Variants in TMT1A observed in about 807,000 individuals in gnomAD.
TMT1A encodes thiol S-methyltransferase TMT1A.
At chr12:50,930,232 GA>G in the TMT1A span, 1 of 1,120,052 alleles carries the variant, frequency 8.9e-7, no homozygotes, top group South Asian at 1.9e-5. Context: ...TGGGAGAAGA[GA>G]AACCTTTTTT....
At chr12:50,926,713 A>T in the TMT1A span, among the ~76,000 whole-genome samples, 2 of 152,234 alleles carry the variant, frequency 1.3e-5, no homozygotes, top group East Asian at 3.8e-4. Flanking sequence ...GGCCCACCAC[A>T]TGCCCATTGT....
chr12:50,928,582 G>C, the TMT1A span, among the ~76,000 whole-genome samples: 15 of 152,104 alleles, frequency 9.9e-5, no homozygotes, highest in Non-Finnish European at 2.1e-4. Context: ...TCCCTTATCT[G>C]CACAAAACAT....
At chr12:50,931,860 T>C in the TMT1A span, 1 of 152,262 alleles carries the variant, frequency 6.6e-6, no homozygotes, top group East Asian at 1.9e-4. Context: ...ACAGTGCACC[T>C]GGCCGAAATA....
chr12:50,925,080 CCTGA>C, the TMT1A span: 1 of 1,614,174 alleles, frequency 6.2e-7, no homozygotes, highest in Non-Finnish European at 8.5e-7. Context: ...CCATTTACAT[CCTGA>C]CATTTCCCTT....
chr12:50,931,953 T>C, the TMT1A span: 12 of 152,200 alleles, frequency 7.9e-5, no homozygotes, highest in African/African-American at 2.9e-4. Context: ...ACATACAAGG[T>C]TGCCACACCT....
the TMT1A span, chr12:50,932,383 A>C: frequency 6.6e-6 from 1 of 152,226 alleles, no homozygotes; most frequent in East Asian, 1.9e-4. Context: ...TAGAGGGTTT[A>C]ATATTTTCTG....
the TMT1A span, chr12:50,929,923 T>C: frequency 1.9e-6 from 3 of 1,600,670 alleles, no homozygotes; most frequent in Non-Finnish European, 2.6e-6. Context: ...GGGAGGGGCT[T>C]TCTATTTCAT....
At chr12:50,929,916 A>T in the TMT1A span, 2 of 1,584,502 alleles carry the variant, frequency 1.3e-6, no homozygotes, top group Non-Finnish European at 1.7e-6. Flanking sequence ...TTTCTCAGGG[A>T]GGGGCTTTCT....
the TMT1A span, chr12:50,925,041 G>A: frequency 4.8e-5 from 78 of 1,613,618 alleles, no homozygotes; most frequent in East Asian, 1.7e-3. Flanking sequence ...TCTGAGCAAT[G>A]GAGCTTACCA....
the TMT1A span, among the ~76,000 whole-genome samples, chr12:50,928,522 G>A: frequency 6.6e-6 from 1 of 152,190 alleles, no homozygotes; most frequent in Admixed American, 6.5e-5. Flanking sequence ...CAGCGTGCAT[G>A]TGGGGCCTTA....
the TMT1A span, chr12:50,929,899 T>A: frequency 6.4e-7 from 1 of 1,550,714 alleles, no homozygotes; most frequent in African/African-American, 1.4e-5. Context: ...GTTTTTTTTT[T>A]TCTTTCTTTC....
At chr12:50,926,016 C>CAAAAAAAAAAA in the TMT1A span, among the ~76,000 whole-genome samples, 3 of 26,074 alleles carry the variant, frequency 1.2e-4, no homozygotes, top group South Asian at 2.0e-3. Context: ...AACTCCATCT[C>CAAAAAAAAAAA]AAAAAAAAAA....
At chr12:50,930,345 T>C in the TMT1A span, 1 of 495,582 alleles carries the variant, frequency 2.0e-6, no homozygotes, top group Non-Finnish European at 3.5e-6. Flanking sequence ...AATGACGTGA[T>C]CTCCGCTCAC....
the TMT1A span, chr12:50,925,448 C>G: frequency 6.2e-7 from 1 of 1,614,210 alleles, no homozygotes; most frequent in South Asian, 1.1e-5. Context: ...GCTGATGGCT[C>G]TGTGGATGTG....
chr12:50,930,367 C>T, the TMT1A span: 3 of 399,710 alleles, frequency 7.5e-6, no homozygotes, highest in Non-Finnish European at 1.3e-5. Flanking sequence ...GCAACCTCCA[C>T]CTCGCGGGTT....
the TMT1A span, among the ~76,000 whole-genome samples, chr12:50,926,526 T>G: frequency 2.6e-5 from 4 of 152,224 alleles, no homozygotes; most frequent in Non-Finnish European, 5.9e-5. Flanking sequence ...TGGAAATAAC[T>G]GAAATGTCTA....
At chr12:50,930,293 C>T in the TMT1A span, 1,647 of 582,858 alleles carry the variant, frequency 2.8e-3, 17 homozygotes, top group African/African-American at 0.034. Flanking sequence ...TTTTTTTTGG[C>T]GGGAAGAAAG....
chr12:50,930,073 C>A, the TMT1A span: 3 of 1,613,962 alleles, frequency 1.9e-6, no homozygotes, highest in Non-Finnish European at 2.5e-6. Context: ...CTTCTCTAAG[C>A]TGAAGCTGCA....
At chr12:50,931,014 G>A in the TMT1A span, 1 of 151,422 alleles carries the variant, frequency 6.6e-6, no homozygotes, top group Non-Finnish European at 1.5e-5. Context: ...AAAGGAAACA[G>A]TCGACTTTCA....
Sources: gnomAD v4.1 joint callset for allele counts (sites outside exome capture counted in the v4.1 genomes callset) on GRCh38, gnomAD v4.1.1 for gene constraint, MANE v1.5 for transcripts, NCBI Gene and HGNC (gene_info 2026-07-23, HGNC 2026-07-21) for gene names.